SOX7: variants seen among roughly 807,000 people sequenced by gnomAD.
SOX7 encodes the protein SRY-box transcription factor 7.
A neutral mutation model predicts 24.9 loss-of-function variants in SOX7; 19 were observed. That is an observed-to-expected ratio of 0.76 (90% CI 0.53 to 1.12). The LOEUF (loss-of-function observed/expected upper bound fraction) is 1.12. Ranked by LOEUF, SOX7 falls within the 50% of genes most tolerant of loss-of-function variation. The pLI, the probability that SOX7 is intolerant of heterozygous loss-of-function variation, is 0.00. For missense variants in SOX7, 702 were observed against 535.0 expected, an observed-to-expected ratio of 1.31 and a Z score of -3.08; for synonymous variants, 327 against 244.5, an observed-to-expected ratio of 1.34 and a Z score of -3.15.
chr8:10,728,233 T>C (rs1800193176), intron 1 of SOX7, among the ~76,000 whole-genome samples: 1 of 152,182 alleles, frequency 6.6e-6, no homozygotes, highest in South Asian at 2.1e-4. Flanking sequence ...ATAAAATACG[T>C]GTTCATTTAA....
intron 1 of SOX7, among the ~76,000 whole-genome samples, chr8:10,727,130 T>C (rs190543587): frequency 1.3e-5 from 2 of 152,308 alleles, no homozygotes; most frequent in Admixed American, 1.3e-4. Flanking sequence ...GATACTATCA[T>C]ATTTACCTAT....
At position 10,726,441 on chromosome 8, in the gene SOX7, G is replaced by GC. The variant is rs769092194; in HGVS notation, c.463dup (p.Ala155GlyfsTer10). ...ACCCCTGTCCTCCTTCTCCCCCAGC[G>GC]CCCCCCGGCTGCCGCTTCTCTTCTC... On this transcript the variant is annotated frameshift_variant, in exon 2 of 2. Transcript: ENST00000304501. LOFTEE classifies it high-confidence loss of function. The GC allele has an allele frequency of 5.0e-6, 8 of 1,611,794 alleles. No homozygotes were observed. The highest frequency in any genetic ancestry group is 3.4e-6 in the Non-Finnish European group (4 of 1,179,624).
chr8:10,726,668 T>C lies in SOX7; in HGVS notation c.239-2A>G. 1 of 1,562,524 alleles carries C rather than the reference T, an allele frequency of 6.4e-7. No individual in the cohort carries two copies. The highest frequency in any genetic ancestry group is 1.2e-5 in the South Asian group (1 of 84,264). ...GCGTCAGCGCCTTCCACGACTTTCC[T>C]GCTCACACAAGGCAGAGGAGGCCAT... On this transcript the variant is annotated splice_acceptor_variant, in intron 1 of 1. Coordinates refer to ENST00000304501, the MANE Select transcript of SOX7 (RefSeq NM_031439.4). LOFTEE classifies it high-confidence loss of function.
chr8:10,727,524 C>G (rs899361601), intron 1 of SOX7, among the ~76,000 whole-genome samples: 39 of 152,232 alleles, frequency 2.6e-4, no homozygotes, highest in Non-Finnish European at 2.2e-4. Context: ...GCTCCAAACT[C>G]TCTCTTTAAA....
rs1362247123 is a variant in SOX7 at position 10,724,889 on chromosome 8, A to T, written c.*849T>A. 6.6e-6 allele frequency: 1 copy of T among 151,886 alleles called. No homozygotes were observed. The highest frequency in any genetic ancestry group is 1.5e-5 in the Non-Finnish European group (1 of 67,982). The allele number at this position is 151,886 out of a possible 1,614,324, so 9.4% of individuals were successfully genotyped here. A position where few individuals can be genotyped will look rare whatever the true frequency, so the allele number is the denominator to read the frequency against. On this transcript the variant is annotated 3_prime_UTR_variant, in exon 2 of 2. Coordinates refer to ENST00000304501, the MANE Select transcript of SOX7 (RefSeq NM_031439.4). ...AGGCATGCACCACCACTCCCAGCAA[A>T]TTTTGTATTTTTCATAGAGACAAGG...
In SOX7 at chr8:10,724,794, C is replaced by T. The variant is rs925141629; in HGVS notation, c.*944G>A. 5 of 151,142 alleles carry T rather than the reference C, an allele frequency of 3.3e-5. No individual in the cohort carries two copies. Among genetic ancestry groups the T allele is most frequent in the Non-Finnish European group, 7.4e-5 (5 of 67,972 alleles). The allele number at this position is 151,142 out of a possible 1,614,324, so 9.4% of individuals were successfully genotyped here. On this transcript the variant is annotated 3_prime_UTR_variant, in exon 2 of 2. Transcript: ENST00000304501. ...CTGGAGTGCAATGGTGCAATCTCAG[C>T]TCACTGCAACCTCCACCTCCTAGGT...
Position 10,730,045 on chromosome 8 carries a change from C to T in SOX7, c.238+151G>A. 2.2e-6 allele frequency: 1 copy of T among 456,534 alleles called. No homozygotes were observed. Among genetic ancestry groups the T allele is most frequent in the Non-Finnish European group, 3.5e-6 (1 of 286,932 alleles). The allele number at this position is 456,534 out of a possible 1,614,324, so 28.3% of individuals were successfully genotyped here. ...TGGGCACCGCGAGCACCCACGCTCG[C>T]GCAGATGGCCAGCCACGCGGGCACG... On this transcript the variant is annotated intron_variant, in intron 1 of 1. Coordinates refer to ENST00000304501, the MANE Select transcript of SOX7 (RefSeq NM_031439.4). The surrounding 1 kb of genome is among the most constrained non-coding windows in gnomAD (Gnocchi z 4.8).
Position 10,725,625 on chromosome 8 carries a change from C to G in SOX7, c.*113G>C, listed in dbSNP as rs975211242. The G allele has an allele frequency of 1.9e-5, 22 of 1,174,940 alleles. No individual in the cohort carries two copies. Among genetic ancestry groups the G allele is most frequent in the Non-Finnish European group, 2.3e-5 (19 of 824,180 alleles). 72.8% of individuals were successfully genotyped at this position (1,174,940 alleles called of 1,614,324 possible). A position where few individuals can be genotyped will look rare whatever the true frequency, so the allele number is the denominator to read the frequency against. ...AAAGGCTCTGGGGCCGCAGTTCAGA[C>G]CTCCCTGCCCTGAGCGGTGGGAGGA... On this transcript the variant is annotated 3_prime_UTR_variant, in exon 2 of 2. Coordinates refer to ENST00000304501, the MANE Select transcript of SOX7 (RefSeq NM_031439.4).
Position 10,726,583 on chromosome 8 carries a change from C to G in SOX7, c.322G>C (p.Asp108His), listed in dbSNP as rs1465410404. The G allele has an allele frequency of 6.2e-7, 1 of 1,610,648 alleles. No individual in the cohort carries two copies. The highest frequency in any genetic ancestry group is 1.3e-5 in the African/African-American group (1 of 74,942). The change falls in exon 2 of 2, where the codon GAC becomes CAC. Residue 108 changes from aspartate (D) to histidine (H), a missense_variant. By Grantham distance (81) the Asp-to-His change is moderately conservative. Transcript: ENST00000304501. ...GGCCGGTACTTGTAGTTGGGGTAGTCCTGCATGTGCTGCAGGCGCAGCCGC... is the reference window on the plus strand; with the variant it reads ...GGCCGGTACTTGTAGTTGGGGTAGTGCTGCATGTGCTGCAGGCGCAGCCGC... ...AERLRLQHMQ[D>H]YPNYKYRPRR...
rs964280843 is a variant in SOX7 at position 10,730,082 on chromosome 8, C to A, written c.238+114G>T. On this transcript the variant is annotated intron_variant, in intron 1 of 1. Coordinates refer to ENST00000304501, the MANE Select transcript of SOX7 (RefSeq NM_031439.4). This position sits in a 1 kb window ranked among gnomAD's most constrained non-coding sequence, Gnocchi z 4.8. The stretch of plus-strand genomic sequence containing the variant: ...GCCACGCGGGCACGAAGAGGGCCCT[C>A]GTCCCGCGTGCCGGGTCTTCCCCAG... The A allele has an allele frequency of 7.1e-6, 5 of 701,678 alleles. No homozygotes were observed. Among genetic ancestry groups the A allele is most frequent in the Admixed American group, 4.6e-5 (1 of 21,864 alleles). 43.5% of individuals were successfully genotyped at this position (701,678 alleles called of 1,614,324 possible).
intron 1 of SOX7, among the ~76,000 whole-genome samples, chr8:10,728,068 G>T (rs2129063294): frequency 6.6e-6 from 1 of 152,358 alleles, no homozygotes; most frequent in South Asian, 2.1e-4. Flanking sequence ...GTTAGGAGCT[G>T]CAGATTCAGG....
chr8:10,729,187 G>A (rs1411604894), intron 1 of SOX7: 1 of 152,186 alleles, frequency 6.6e-6, no homozygotes, highest in East Asian at 1.9e-4. Flanking sequence ...TATCCCCAAA[G>A]TTCCGCCTCG....
At chr8:10,729,686 T>A (rs1399638315) in intron 1 of SOX7, 1 of 152,334 alleles carries the variant, frequency 6.6e-6, no homozygotes, top group African/African-American at 2.4e-5. Flanking sequence ...AAGCAAGGAT[T>A]CGTTCCTCAG....
At chr8:10,727,452 C>T (rs1278865038) in intron 1 of SOX7, among the ~76,000 whole-genome samples, 2 of 152,342 alleles carry the variant, frequency 1.3e-5, no homozygotes, top group East Asian at 3.9e-4. Context: ...GAAGCCATTC[C>T]CTGCACTTTC....
At position 10,730,482 on chromosome 8, in the gene SOX7, T is replaced by C. The variant is rs1297077307; in HGVS notation, c.-49A>G. 3.8e-6 allele frequency: 5 copies of C among 1,326,636 alleles called. No homozygotes were observed. The highest frequency in any genetic ancestry group is 3.1e-5 in the East Asian group (1 of 32,194). 82.2% of individuals were successfully genotyped at this position (1,326,636 alleles called of 1,614,324 possible). On this transcript the variant is annotated 5_prime_UTR_variant, in exon 1 of 2. Transcript: ENST00000304501. This position sits in a 1 kb window ranked among gnomAD's most constrained non-coding sequence, Gnocchi z 4.8. ...TCGCCTGGCGGGGCAGGCGCGGACCTGGCCCTCGCACGGGTCGGGGCGTCC... is the reference window on the plus strand; with the variant it reads ...TCGCCTGGCGGGGCAGGCGCGGACCCGGCCCTCGCACGGGTCGGGGCGTCC...
Position 10,730,168 on chromosome 8 carries a change from CAG to C in SOX7, c.238+26_238+27del. On this transcript the variant is annotated intron_variant, in intron 1 of 1. Coordinates refer to ENST00000304501, the MANE Select transcript of SOX7 (RefSeq NM_031439.4). This position sits in a 1 kb window ranked among gnomAD's most constrained non-coding sequence, Gnocchi z 4.8. ...CCGCCCGCCGCCCGCCCCCGGCCCC[CAG>C]CCCGCTCGGCCGCGCGCTCACTCAC... is the stretch of plus-strand genomic sequence containing the variant. 6.8e-6 allele frequency: 10 copies of C among 1,471,358 alleles called. No individual in the cohort carries two copies. The highest frequency in any genetic ancestry group is 2.8e-5 in the East Asian group (1 of 36,074). 91.1% of individuals were successfully genotyped at this position (1,471,358 alleles called of 1,614,324 possible).
At chr8:10,726,782 C>T in intron 1 of SOX7, 116 bp from the exon 2 acceptor site, 3 of 920,700 alleles carry the variant, frequency 3.3e-6, no homozygotes, top group Non-Finnish European at 3.2e-6. Context: ...CCCCTCCCAG[C>T]CACAGAGGAC....
At chr8:10,727,592 A>G (rs771195226) in intron 1 of SOX7, among the ~76,000 whole-genome samples, 4 of 152,090 alleles carry the variant, frequency 2.6e-5, no homozygotes, top group Non-Finnish European at 5.9e-5. Flanking sequence ...TTGATCTTCT[A>G]TTCACCATTG....
intron 1 of SOX7, chr8:10,729,280 C>G (rs978283419): frequency 6.6e-6 from 1 of 152,262 alleles, no homozygotes; most frequent in African/African-American, 2.4e-5. Flanking sequence ...AGGGTAGAGC[C>G]GGCCTCGGGT....
Sources: gnomAD v4.1 joint callset for allele counts (sites outside exome capture counted in the v4.1 genomes callset) on GRCh38, gnomAD v4.1.1 for gene constraint, Gnocchi (gnomAD v3.1) non-coding constraint, MANE v1.5 for transcripts, NCBI Gene and HGNC (gene_info 2026-07-23, HGNC 2026-07-21) for gene names.